DGKB: variants seen among roughly 807,000 people sequenced by gnomAD.
The protein encoded by DGKB is 90 kDa diacylglycerol kinase.
DGKB carries 67 observed loss-of-function variants against 114.3 expected under a neutral mutation model. That is an observed-to-expected ratio of 0.59 (90% CI 0.48 to 0.72). The LOEUF (loss-of-function observed/expected upper bound fraction) is 0.72, where lower values mean the gene tolerates loss of function less well. Ranked by LOEUF, DGKB falls within the 30% of genes least tolerant of loss-of-function variation. The pLI is 0.00. For synonymous variants in DGKB, 398 were observed against 323.1 expected, an observed-to-expected ratio of 1.23 and a Z score of -2.49; for missense variants, 907 against 975.2, an observed-to-expected ratio of 0.93 and a Z score of 0.93.
intron 5 of DGKB, among the ~76,000 whole-genome samples, chr7:14,733,282 A>T (rs1412740996): frequency 6.6e-6 from 1 of 152,224 alleles, no homozygotes; most frequent in Non-Finnish European, 1.5e-5. Context: ...ATGATGATAA[A>T]CATATTAGTC....
chr7:14,158,234 A>G (rs1783327461), intron 25 of DGKB, among the ~76,000 whole-genome samples: 1 of 152,218 alleles, frequency 6.6e-6, no homozygotes, highest in Non-Finnish European at 1.5e-5. Context: ...ACATTTTGCT[A>G]ACCCCTCTTC....
At chr7:14,926,507 T>G (rs1279898818) in intron 1 of DGKB, among the ~76,000 whole-genome samples, 2 of 151,542 alleles carry the variant, frequency 1.3e-5, no homozygotes, top group South Asian at 4.1e-4. Flanking sequence ...TTTGTTTTTT[T>G]TTTTAGTGGT....
At chr7:14,931,633 CT>C (rs966378413) in intron 1 of DGKB, among the ~76,000 whole-genome samples, 1 of 152,124 alleles carries the variant, frequency 6.6e-6, no homozygotes, top group African/African-American at 2.4e-5. Flanking sequence ...ACAGCTTTGG[CT>C]GGAGGGAGTG....
chr7:14,318,730 G>A (rs1190239614), intron 23 of DGKB, among the ~76,000 whole-genome samples: 3 of 152,066 alleles, frequency 2.0e-5, no homozygotes, highest in African/African-American at 7.2e-5. Flanking sequence ...TCAGTGTGGC[G>A]ATTCCTCAGG....
At chr7:14,178,196 T>C (rs1437112456) in intron 23 of DGKB, 45 bp from the exon 24 acceptor site, 3 of 1,593,120 alleles carry the variant, frequency 1.9e-6, no homozygotes, top group South Asian at 1.1e-5. Flanking sequence ...TGTATACATA[T>C]GTCCACAATT....
At chr7:14,569,657 G>A (rs184152689) in intron 20 of DGKB, among the ~76,000 whole-genome samples, 1 of 151,974 alleles carries the variant, frequency 6.6e-6, no homozygotes, top group African/African-American at 2.4e-5. Flanking sequence ...CAATTCAATT[G>A]TAGCATGTAT....
At chr7:14,781,178 A>C (rs560238998) in intron 2 of DGKB, among the ~76,000 whole-genome samples, 2 of 152,324 alleles carry the variant, frequency 1.3e-5, no homozygotes, top group South Asian at 4.1e-4. Flanking sequence ...GTGGTTGAGC[A>C]AGGGGCCGAC....
intron 3 of DGKB, 45 bp from the exon 4 acceptor site, chr7:14,753,993 A>G: frequency 7.7e-7 from 1 of 1,301,538 alleles, no homozygotes; most frequent in South Asian, 1.3e-5. Flanking sequence ...AATGTAAGAT[A>G]CTTTATACTC....
At chr7:14,613,668 C>T (rs972718284) in intron 15 of DGKB, among the ~76,000 whole-genome samples, 4 of 150,840 alleles carry the variant, frequency 2.7e-5, no homozygotes, top group African/African-American at 9.8e-5. Flanking sequence ...GGAAGGCAGT[C>T]AGGAAGAGGG....
intron 13 of DGKB, among the ~76,000 whole-genome samples, chr7:14,651,133 C>T (rs1814382665): frequency 6.6e-6 from 1 of 152,054 alleles, no homozygotes; most frequent in South Asian, 2.1e-4. Flanking sequence ...GGGAATCCTC[C>T]CTAACTCATT....
In DGKB at chr7:14,369,771, G is replaced by GT. The variant is rs996757638; in HGVS notation, c.1836-24381dup. 3.9e-5 allele frequency among the ~76,000 whole-genome samples: 6 copies of GT among 152,110 alleles called. No individual in the cohort carries two copies. In the South Asian group the frequency reaches 1.0e-3, roughly 26 times the overall value. On this transcript the variant is annotated intron_variant, in intron 21 of 25. Transcript: ENST00000402815. ...CATCCACTTTTTGATGTGGTTGTTTGTTTTTTTCTAGTAAATTCGTTTAAG... is the reference window on the plus strand; with the variant it reads ...CATCCACTTTTTGATGTGGTTGTTTGTTTTTTTTCTAGTAAATTCGTTTAAG...
At chr7:14,230,967 G>A (rs988006259) in intron 23 of DGKB, among the ~76,000 whole-genome samples, 1 of 151,972 alleles carries the variant, frequency 6.6e-6, no homozygotes, top group Non-Finnish European at 1.5e-5. Flanking sequence ...TTTGTGTCTT[G>A]ACTACTATTA....
chr7:14,781,108 T>A (rs1839020125), intron 2 of DGKB, among the ~76,000 whole-genome samples: 1 of 152,234 alleles, frequency 6.6e-6, no homozygotes, highest in African/African-American at 2.4e-5. Context: ...CACAGTTTTG[T>A]AAGTCTATTT....
chr7:14,537,676 C>G (rs979944262), intron 20 of DGKB, among the ~76,000 whole-genome samples: 3 of 152,080 alleles, frequency 2.0e-5, no homozygotes, highest in African/African-American at 7.2e-5. Context: ...ACAACAACAA[C>G]AAAACAAAAC....
intron 25 of DGKB, among the ~76,000 whole-genome samples, chr7:14,162,380 G>A (rs964557301): frequency 6.6e-6 from 1 of 152,104 alleles, no homozygotes; most frequent in African/African-American, 2.4e-5. Context: ...TGGTCCTCTT[G>A]CAAACTAATG....
chr7:14,352,659 C>T (rs1464217555), intron 21 of DGKB, among the ~76,000 whole-genome samples: 3 of 152,080 alleles, frequency 2.0e-5, no homozygotes, highest in Admixed American at 2.0e-4. Context: ...ATTATTGGCT[C>T]ACAACCTGTA....
chr7:14,391,287 G>C (rs913888206), intron 21 of DGKB, among the ~76,000 whole-genome samples: 3 of 152,130 alleles, frequency 2.0e-5, no homozygotes, highest in Non-Finnish European at 2.9e-5. Flanking sequence ...GACAGATTTT[G>C]CTCCTCATAA....
intron 2 of DGKB, among the ~76,000 whole-genome samples, chr7:14,799,557 A>G (rs1447877897): frequency 2.6e-5 from 4 of 152,210 alleles, no homozygotes; most frequent in Admixed American, 1.3e-4. Flanking sequence ...GGTGTGGGGA[A>G]GTTCAAGATA....
rs113492068 is a variant in DGKB at position 14,404,345 on chromosome 7, T to C, written c.1836-58954A>G. 9.8e-3 allele frequency among the ~76,000 whole-genome samples: 1,496 copies of C among 151,946 alleles called. 20 individuals are homozygous for C. The highest frequency in any genetic ancestry group is 0.014 in the Non-Finnish European group (973 of 67,896). ...AAATGTTATCATGACCTTTTTTTTATTGAATATTATGCTGTTACATACACA... is the reference window on the plus strand; with the variant it reads ...AAATGTTATCATGACCTTTTTTTTACTGAATATTATGCTGTTACATACACA... On this transcript the variant is annotated intron_variant, in intron 21 of 25. Transcript: ENST00000402815.
Sources: gnomAD v4.1 joint callset for allele counts (sites outside exome capture counted in the v4.1 genomes callset) on GRCh38, gnomAD v4.1.1 for gene constraint, MANE v1.5 for transcripts, NCBI Gene and HGNC (gene_info 2026-07-23, HGNC 2026-07-21) for gene names.